Variants in LAMA3 observed in about 807,000 individuals in gnomAD.
The protein encoded by LAMA3 is laminin subunit alpha-3.
In LAMA3, 281 loss-of-function variants were observed where a neutral mutation model predicts 402.0. That is an observed-to-expected ratio of 0.70 (90% CI 0.63 to 0.77). The LOEUF (loss-of-function observed/expected upper bound fraction) is 0.77. Ranked by LOEUF, LAMA3 falls within the 30% of genes least tolerant of loss-of-function variation. The pLI is 0.00. For missense variants in LAMA3, 3,840 were observed against 4,215.5 expected (o/e 0.91, Z 2.47); for synonymous variants, 1,431 against 1,558.4 (o/e 0.92, Z 1.93).
intron 12 of LAMA3, among the ~76,000 whole-genome samples, chr18:23,792,488 T>C (rs2062678708): frequency 6.6e-6 from 1 of 152,202 alleles, no homozygotes; most frequent in Non-Finnish European, 1.5e-5. Context: ...AGGGCATTAA[T>C]CTACTCATGA....
intron 65 of LAMA3, 34 bp downstream of exon 65, chr18:23,931,235 G>T: frequency 6.3e-7 from 1 of 1,598,774 alleles, no homozygotes; most frequent in Non-Finnish European, 8.6e-7. Flanking sequence ...AGAGCTGTGA[G>T]TGAGTTTTAC....
Position 23,861,815 on chromosome 18 carries a change from T to C in LAMA3, c.4584+8T>C. 6.2e-7 allele frequency: 1 copy of C among 1,610,068 alleles called. No individual in the cohort carries two copies. ...TCCTACCTGGGGGACAAGGTAATGATGTCCTGCTGTTCTTCTGGGCCCTCA... is the reference window on the plus strand; with the variant it reads ...TCCTACCTGGGGGACAAGGTAATGACGTCCTGCTGTTCTTCTGGGCCCTCA... On this transcript the variant is annotated splice_region_variant and intron_variant, in intron 35 of 74. Coordinates refer to ENST00000313654, the MANE Select transcript of LAMA3 (RefSeq NM_198129.4).
At chr18:23,728,669 G>A (rs2061338594) in intron 2 of LAMA3, among the ~76,000 whole-genome samples, 1 of 152,084 alleles carries the variant, frequency 6.6e-6, no homozygotes, top group Non-Finnish European at 1.5e-5. Flanking sequence ...TGAGTGACAC[G>A]CAGCCTTCTG....
chr18:23,954,451 T>TC (rs1167701398), intron 74 of LAMA3, 52 bp from the exon 75 acceptor site: 3 of 1,403,064 alleles, frequency 2.1e-6, no homozygotes, highest in Non-Finnish European at 3.0e-6. Flanking sequence ...CAGGGAACAG[T>TC]CCCTGGACAG....
chr18:23,896,723 G>A (rs1216149311), intron 44 of LAMA3, among the ~76,000 whole-genome samples: 1 of 152,142 alleles, frequency 6.6e-6, no homozygotes, highest in Non-Finnish European at 1.5e-5. Flanking sequence ...AGCTTACAGG[G>A]GCAGGACAAA....
At position 23,916,657 on chromosome 18, in the gene LAMA3, A is replaced by C; in HGVS notation, c.7885A>C (p.Thr2629Pro). 1 of 1,614,180 alleles carries C rather than the reference A, an allele frequency of 6.2e-7. No individual in the cohort carries two copies. ...IPTFGQTIQT[T>P]VDRGLLFFAE... ...AACCTTTGGACAGACAATTCAGACC[A>C]CCGTGGATAGAGGCTTGCTGTTCTT... is the stretch of plus-strand genomic sequence containing the variant. The change falls in exon 60 of 75, where the codon ACC (threonine) becomes CCC (proline). Residue 2629 changes from threonine to proline, a missense_variant. Transcript: ENST00000313654.
intron 12 of LAMA3, among the ~76,000 whole-genome samples, chr18:23,791,552 T>A (rs1180482511): frequency 6.6e-6 from 1 of 151,876 alleles, no homozygotes; most frequent in East Asian, 1.9e-4. Context: ...GCCAACATGG[T>A]GAAACCCTGT....
chr18:23,734,903 C>T (rs1312335374), intron 2 of LAMA3, among the ~76,000 whole-genome samples: 2 of 152,192 alleles, frequency 1.3e-5, no homozygotes, highest in African/African-American at 2.4e-5. Flanking sequence ...CCTGGCCGTC[C>T]AGATGGATAT....
At chr18:23,857,071 T>C (rs2064098135) in intron 32 of LAMA3, among the ~76,000 whole-genome samples, 1 of 152,196 alleles carries the variant, frequency 6.6e-6, no homozygotes, top group African/African-American at 2.4e-5. Context: ...ATGCACTGCC[T>C]CATGGGTTCC....
At chr18:23,807,476 GTA>G (rs1491166428) in intron 12 of LAMA3, among the ~76,000 whole-genome samples, 2 of 151,130 alleles carry the variant, frequency 1.3e-5, no homozygotes, top group African/African-American at 4.9e-5. Flanking sequence ...GTGTGTGTGT[GTA>G]TGTGTGTGTG....
chr18:23,690,843 C>G (rs1328007415), intron 1 of LAMA3, among the ~76,000 whole-genome samples: 2 of 150,104 alleles, frequency 1.3e-5, no homozygotes, highest in East Asian at 1.9e-4. Flanking sequence ...ATGGTGCGAT[C>G]TCGGCTCACT....
chr18:23,889,906 C>G, intron 41 of LAMA3, 105 bp from the exon 42 acceptor site: 1 of 833,148 alleles, frequency 1.2e-6, no homozygotes. Context: ...GTCTTCCACC[C>G]ATTGGGTTAC....
intron 12 of LAMA3, among the ~76,000 whole-genome samples, chr18:23,785,243 G>C (rs1001830880): frequency 2.0e-5 from 3 of 152,214 alleles, no homozygotes; most frequent in African/African-American, 4.8e-5. Flanking sequence ...TTGGCATCCA[G>C]AGCCCTGCCC....
chr18:23,919,832 G>A (rs1340985601), intron 60 of LAMA3, among the ~76,000 whole-genome samples: 2 of 151,678 alleles, frequency 1.3e-5, no homozygotes, highest in Non-Finnish European at 2.9e-5. Flanking sequence ...GGCTCCCACT[G>A]GCATTTTCAA....
intron 2 of LAMA3, among the ~76,000 whole-genome samples, chr18:23,743,116 C>T (rs978895201): frequency 3.9e-5 from 6 of 152,144 alleles, no homozygotes; most frequent in Non-Finnish European, 8.8e-5. Flanking sequence ...AAACAGGTAC[C>T]GCAGTGCATG....
At chr18:23,796,452 G>A (rs972615082) in intron 12 of LAMA3, among the ~76,000 whole-genome samples, 2 of 152,222 alleles carry the variant, frequency 1.3e-5, no homozygotes, top group African/African-American at 2.4e-5. Flanking sequence ...AAGACAGGGT[G>A]GCAAAACTAT....
chr18:23,824,584 T>G lies in LAMA3; in HGVS notation c.2571+19T>G, dbSNP rs762926743. On this transcript the variant is annotated intron_variant, in intron 21 of 74. Coordinates refer to ENST00000313654, the MANE Select transcript of LAMA3 (RefSeq NM_198129.4). ...CCTTCTGGTAAGACTTAGTTCTGAA[T>G]GGAGAGCTCCTGCGGGATTCTTCCT... 8.7e-6 allele frequency: 14 copies of G among 1,613,358 alleles called. No individual in the cohort carries two copies. The highest frequency in any genetic ancestry group is 1.3e-5 in the African/African-American group (1 of 74,900).
rs764132545 is a variant in LAMA3, at chr18:23,932,259, T to C, written c.8676T>C (p.Phe2892=). ...CTCTGCGTCTGGGCGGGAGCAATTTTGAGGGTTGTATTAGCAATGTTTTTG... is the reference window on the plus strand; with the variant it reads ...CTCTGCGTCTGGGCGGGAGCAATTTCGAGGGTTGTATTAGCAATGTTTTTG... The part of the protein sequence containing the change: ...RQSLRLGGSN[F]EGCISNVFVQ... The change falls in exon 66 of 75, where the codon TTT becomes TTC. Residue 2892 remains phenylalanine, a synonymous_variant. Coordinates refer to ENST00000313654, the MANE Select transcript of LAMA3 (RefSeq NM_198129.4). 1.0e-4 allele frequency: 168 copies of C among 1,613,998 alleles called. 2 individuals are homozygous for C. In the South Asian group the frequency reaches 1.8e-3, roughly 17 times the overall value.
At chr18:23,828,289 A>G (rs2063424321) in intron 23 of LAMA3, among the ~76,000 whole-genome samples, 1 of 152,238 alleles carries the variant, frequency 6.6e-6, no homozygotes, top group Admixed American at 6.5e-5. Context: ...CATTTCTAAC[A>G]TTTTGAAGGT....
Sources: gnomAD v4.1 joint callset for allele counts (sites outside exome capture counted in the v4.1 genomes callset) on GRCh38, gnomAD v4.1.1 for gene constraint, MANE v1.5 for transcripts, NCBI Gene and HGNC (gene_info 2026-07-23, HGNC 2026-07-21) for gene names.